UNC13C: variants seen among roughly 807,000 people sequenced by gnomAD.
The protein encoded by UNC13C is protein unc-13 homolog C.
Under a neutral mutation model 245.4 loss-of-function variants are expected in UNC13C, and 174 were observed. The ratio of observed to expected loss-of-function variants is 0.71; its 90% CI spans 0.63 to 0.80. UNC13C has a LOEUF of 0.80. UNC13C is among the 30% of genes least tolerant of loss of function. UNC13C has a pLI of 0.00. For synonymous variants in UNC13C, 992 were observed against 895.1 expected (o/e 1.11, Z -1.93); for missense variants, 2,829 against 2,602.9 (o/e 1.09, Z -1.89).
At chr15:54,117,327 G>C (rs1359336468) in intron 2 of UNC13C, among the ~76,000 whole-genome samples, 1 of 151,834 alleles carries the variant, frequency 6.6e-6, no homozygotes, top group Non-Finnish European at 1.5e-5. Flanking sequence ...TTCTTTTGAG[G>C]TCTTACACAA....
chr15:53,911,872 C>G, the UNC13C span: 1 of 152,304 alleles, frequency 6.6e-6, no homozygotes, highest in East Asian at 1.9e-4. Context: ...CTGAGTTCAG[C>G]ACCCCCGGAT....
At chr15:54,620,896 T>G (rs1900757262) in intron 30 of UNC13C, among the ~76,000 whole-genome samples, 1 of 151,714 alleles carries the variant, frequency 6.6e-6, no homozygotes, top group African/African-American at 2.4e-5. Context: ...TTTCTCCTGG[T>G]GGTAGTCTCC....
intron 4 of UNC13C, among the ~76,000 whole-genome samples, chr15:54,164,457 C>A (rs2033094454): frequency 6.6e-6 from 1 of 151,896 alleles, no homozygotes; most frequent in Non-Finnish European, 1.5e-5. Flanking sequence ...TGTGGCTTGG[C>A]CAAATATTTG....
intron 30 of UNC13C, among the ~76,000 whole-genome samples, chr15:54,597,823 T>A (rs1267823472): frequency 6.6e-6 from 1 of 152,184 alleles, no homozygotes; most frequent in Non-Finnish European, 1.5e-5. Flanking sequence ...ATACATCATA[T>A]CCAGCTAATA....
chr15:54,080,533 A>G (rs1898885600), intron 2 of UNC13C, among the ~76,000 whole-genome samples: 1 of 151,704 alleles, frequency 6.6e-6, no homozygotes, highest in African/African-American at 2.4e-5. Context: ...TCAATTTCTT[A>G]CTGTTTTAAT....
intron 2 of UNC13C, among the ~76,000 whole-genome samples, chr15:54,098,528 A>G (rs575748264): frequency 9.2e-5 from 14 of 152,272 alleles, no homozygotes; most frequent in African/African-American, 3.4e-4. Context: ...AAGAAGCACC[A>G]GATTCCCAAT....
chr15:54,174,786 T>C (rs1444384895), intron 4 of UNC13C, among the ~76,000 whole-genome samples: 1 of 152,168 alleles, frequency 6.6e-6, no homozygotes, highest in African/African-American at 2.4e-5. Context: ...AAAGCCCTCG[T>C]TTCCTTTTCC....
At chr15:54,430,838 C>T (rs1324244962) in intron 19 of UNC13C, among the ~76,000 whole-genome samples, 1 of 151,656 alleles carries the variant, frequency 6.6e-6, no homozygotes, top group Non-Finnish European at 1.5e-5. Flanking sequence ...TGGCATTTGA[C>T]AACAATATTT....
At chr15:54,440,127 G>C (rs1890436524) in intron 19 of UNC13C, among the ~76,000 whole-genome samples, 1 of 151,874 alleles carries the variant, frequency 6.6e-6, no homozygotes, top group Non-Finnish European at 1.5e-5. Context: ...GTTCTCACAA[G>C]GTCTGATAGC....
chr15:54,564,973 C>A (rs1347823394), intron 29 of UNC13C, among the ~76,000 whole-genome samples: 2 of 151,930 alleles, frequency 1.3e-5, no homozygotes, highest in African/African-American at 4.8e-5. Context: ...AGTGCCGAGA[C>A]TCCCAGGGTT....
intron 28 of UNC13C, among the ~76,000 whole-genome samples, chr15:54,552,314 A>C (rs1400921437): frequency 7.9e-6 from 1 of 125,856 alleles, no homozygotes; most frequent in Non-Finnish European, 1.6e-5. Flanking sequence ...ACAATATATA[A>C]TGTAATATAT....
the UNC13C span, among the ~76,000 whole-genome samples, chr15:53,886,156 A>G: frequency 6.6e-6 from 1 of 152,200 alleles, no homozygotes; most frequent in Non-Finnish European, 1.5e-5. Flanking sequence ...GGTATATATA[A>G]GAAATGACAC....
At chr15:54,594,762 T>A (rs934460321) in intron 30 of UNC13C, among the ~76,000 whole-genome samples, 12 of 152,170 alleles carry the variant, frequency 7.9e-5, no homozygotes, top group Non-Finnish European at 1.6e-4. Flanking sequence ...TCTTCCAGGT[T>A]CAGCTTCCAC....
chr15:54,562,120 G>A (rs1275000692), intron 29 of UNC13C, among the ~76,000 whole-genome samples: 1 of 151,950 alleles, frequency 6.6e-6, no homozygotes, highest in Non-Finnish European at 1.5e-5. Flanking sequence ...GCTTGAGATA[G>A]GGGCTGATGC....
chr15:54,207,247 G>C (rs1054121647), intron 4 of UNC13C, among the ~76,000 whole-genome samples: 9 of 151,924 alleles, frequency 5.9e-5, no homozygotes, highest in African/African-American at 2.2e-4. Flanking sequence ...ATCCGGTGAG[G>C]GGTGTTTGCC....
At chr15:54,303,947 G>A (rs2037656654) in intron 13 of UNC13C, among the ~76,000 whole-genome samples, 1 of 151,900 alleles carries the variant, frequency 6.6e-6, no homozygotes, top group Non-Finnish European at 1.5e-5. Flanking sequence ...ATATTTATTT[G>A]GTAGCAAGTG....
At chr15:54,266,632 T>G (rs2036554663) in intron 10 of UNC13C, among the ~76,000 whole-genome samples, 1 of 152,026 alleles carries the variant, frequency 6.6e-6, no homozygotes, top group African/African-American at 2.4e-5. Flanking sequence ...ATCTGAAACC[T>G]TAGAAACAGT....
At chr15:54,038,124 A>ATATATATATATTTTTTTTT in intron 2 of UNC13C, among the ~76,000 whole-genome samples, 1 of 45,032 alleles carries the variant, frequency 2.2e-5, no homozygotes, top group Admixed American at 5.0e-4. Flanking sequence ...ATATATATAT[A>ATATATATATATTTTTTTTT]TTTTTTTTTT....
At chr15:53,921,275 G>T in the UNC13C span, among the ~76,000 whole-genome samples, 1 of 152,124 alleles carries the variant, frequency 6.6e-6, no homozygotes, top group Non-Finnish European at 1.5e-5. Flanking sequence ...TATAAAAACT[G>T]GTTCTAATAA....
Sources: gnomAD v4.1 joint callset for allele counts (sites outside exome capture counted in the v4.1 genomes callset) on GRCh38, gnomAD v4.1.1 for gene constraint, MANE v1.5 for transcripts, NCBI Gene and HGNC (gene_info 2026-07-23, HGNC 2026-07-21) for gene names.